PAICS: variants seen among roughly 807,000 people sequenced by gnomAD.
PAICS encodes the protein phosphoribosylaminoimidazole carboxylase and phosphoribosylaminoimidazolesuccinocarboxamide synthase, also known as bifunctional phosphoribosylaminoimidazole carboxylase/phosphoribosylaminoimidazole succinocarboxamide synthetase.
Under a neutral mutation model 53.7 loss-of-function variants are expected in PAICS, and 33 were observed. That is an observed-to-expected ratio of 0.61 (90% CI 0.47 to 0.82). The LOEUF is 0.82. Among genes scored for constraint, PAICS ranks in the 40% least tolerant of loss-of-function variants. The pLI, the probability that PAICS is intolerant of heterozygous loss-of-function variation, is 0.00. For missense variants in PAICS, 394 were observed against 494.1 expected, an observed-to-expected ratio of 0.80 and a Z score of 1.92; for synonymous variants, 141 against 167.2, an observed-to-expected ratio of 0.84 and a Z score of 1.21.
chr4:56,457,675 T>TG (rs1488638445), intron 8 of PAICS, among the ~76,000 whole-genome samples: 21 of 151,428 alleles, frequency 1.4e-4, no homozygotes, highest in Middle Eastern at 3.4e-3. Context: ...TTTTTTTTTT[T>TG]TTTTTTTTAA....
At chr4:56,411,953 C>A in the PAICS span, among the ~76,000 whole-genome samples, 65 of 152,254 alleles carry the variant, frequency 4.3e-4, no homozygotes, top group African/African-American at 1.4e-3. Context: ...TGAGATGACA[C>A]CAAATTCTGA....
At chr4:56,452,174 T>TA in intron 7 of PAICS, 122 bp downstream of exon 7, 1 of 642,124 alleles carries the variant, frequency 1.6e-6, no homozygotes, top group Non-Finnish European at 2.7e-6. Context: ...AAACACATGA[T>TA]ATACTAGGCT....
At chr4:56,456,979 GTGTATCTGGTAGGGAT>G (rs1374360698) in intron 8 of PAICS, among the ~76,000 whole-genome samples, 1 of 152,112 alleles carries the variant, frequency 6.6e-6, no homozygotes, top group Non-Finnish European at 1.5e-5. Context: ...TCACTGTGGG[GTGTATCTGGTAGGGAT>G]TGTTCTTCAA....
chr4:56,446,347 CCTATT>C lies in PAICS; in HGVS notation c.215-344_215-340del, dbSNP rs1023450480. 4.2e-6 allele frequency: 3 copies of C among 717,422 alleles called. No individual in the cohort carries two copies. The African/African-American group carries it at 5.2e-5, about 13-fold the overall frequency. The allele number at this position is 717,422 out of a possible 1,614,324, so 44.4% of individuals were successfully genotyped here. A position where few individuals can be genotyped will look rare whatever the true frequency, so the allele number is the denominator to read the frequency against. ...CCATTCTCTTTTCTGTCTGAATTTG[CCTATT>C]CTAGTTACCTCATATAAGTCAAATC... On this transcript the variant is annotated intron_variant, in intron 2 of 8. Coordinates refer to ENST00000512576, the MANE Select transcript of PAICS (RefSeq NM_001079524.2).
rs57611254 is a variant in PAICS at position 56,441,193 on chromosome 4, A to T, written c.17-470A>T. On this transcript the variant is annotated intron_variant, in intron 1 of 8. Coordinates refer to ENST00000512576, the MANE Select transcript of PAICS (RefSeq NM_001079524.2). ...TACAAAAAAGCAAATATCAGCAAAA[A>T]TCGCATATTTTTTCCTGCAAGATAG... Among the ~76,000 whole-genome samples, 350 of 152,310 alleles carry T rather than the reference A, an allele frequency of 2.3e-3. 3 individuals carry two copies. The highest frequency in any genetic ancestry group is 8.2e-3 in the African/African-American group (342 of 41,564).
intron 3 of PAICS, among the ~76,000 whole-genome samples, chr4:56,447,828 A>T (rs1297204274): frequency 6.6e-6 from 1 of 152,046 alleles, no homozygotes; most frequent in East Asian, 1.9e-4. Context: ...TAGGAAAAAA[A>T]AGAGGAGTAA....
At position 56,453,492 on chromosome 4, in the gene PAICS, A is replaced by G. The variant is rs1024663022; in HGVS notation, c.953-111A>G. 2.1e-5 allele frequency: 12 copies of G among 576,550 alleles called. No individual in the cohort carries two copies. In the African/African-American group the frequency reaches 2.2e-4, roughly 11 times the overall value. The allele number at this position is 576,550 out of a possible 1,614,324, so 35.7% of individuals were successfully genotyped here. On this transcript the variant is annotated intron_variant, in intron 7 of 8. Coordinates refer to ENST00000512576, the MANE Select transcript of PAICS (RefSeq NM_001079524.2). ...ATGTTTTTTCAGAGAAGACTATTCA[A>G]GGACCTCAAGTAATTAAAACATATA...
At chr4:56,410,925 A>G in the PAICS span, 29 of 889,690 alleles carry the variant, frequency 3.3e-5, 1 homozygote, top group Middle Eastern at 4.9e-4. Flanking sequence ...AAAAAAAAAA[A>G]AAAGAAAAGT....
chr4:56,412,028 C>T, the PAICS span, among the ~76,000 whole-genome samples: 2 of 152,126 alleles, frequency 1.3e-5, no homozygotes, highest in Non-Finnish European at 2.9e-5. Flanking sequence ...TAAACACCTT[C>T]GACTCTTCAT....
Position 56,453,750 on chromosome 4 carries a change from G to A in PAICS, c.1100G>A (p.Arg367Gln), listed in dbSNP as rs1190902246. 12 of 1,544,954 alleles carry A rather than the reference G, an allele frequency of 7.8e-6. No individual in the cohort carries two copies. The highest frequency in any genetic ancestry group is 1.1e-5 in the Non-Finnish European group (12 of 1,141,494). Residue 367 changes from arginine to glutamine, a missense_variant, in exon 8 of 9, where the codon CGA (arginine) becomes CAA (glutamine). Around this residue, in one of 3 missense-constraint regions of PAICS, gnomAD observed 95 missense variants for 89.3 expected, o/e 1.06. Transcript: ENST00000512576. ...WGVQDVWSSL[R>Q]LPSGLGCSTV... ...GTTCAGGATGTGTGGTCTTCTCTTC[G>A]ACTACCCAGTGGTAAGATACATTGA...
At chr4:56,414,956 A>T in the PAICS span, among the ~76,000 whole-genome samples, 1 of 152,248 alleles carries the variant, frequency 6.6e-6, no homozygotes, top group Non-Finnish European at 1.5e-5. Context: ...TTATAAAAAT[A>T]CAACTGTGCC....
intron 1 of PAICS, among the ~76,000 whole-genome samples, chr4:56,441,353 T>A (rs538151956): frequency 6.6e-6 from 1 of 152,180 alleles, no homozygotes; most frequent in African/African-American, 2.4e-5. Flanking sequence ...AGCACAGGAT[T>A]TGATGTCAGA....
the PAICS span, among the ~76,000 whole-genome samples, chr4:56,429,408 A>G: frequency 4.6e-5 from 7 of 152,240 alleles, no homozygotes; most frequent in Admixed American, 3.9e-4. Flanking sequence ...TAACATTTTA[A>G]TAAGTCTGAA....
Position 56,448,305 on chromosome 4 carries a change from G to C in PAICS, c.394-113G>C, listed in dbSNP as rs1026362095. The stretch of plus-strand genomic sequence containing the variant: ...CAGGCATGAGCCACCATGCCCGGCT[G>C]TGGCTAAAAATTTCTAAGGAGTTCA... On this transcript the variant is annotated intron_variant, in intron 3 of 8. Coordinates refer to ENST00000512576, the MANE Select transcript of PAICS (RefSeq NM_001079524.2). The C allele has an allele frequency of 1.6e-5, 11 of 691,750 alleles. No homozygotes were observed. In the East Asian group the frequency reaches 3.1e-4, roughly 20 times the overall value. The allele number at this position is 691,750 out of a possible 1,614,324, so 42.9% of individuals were successfully genotyped here.
chr4:56,460,307 C>G lies in PAICS; in HGVS notation c.*769C>G, dbSNP rs1311626432. 6.6e-6 allele frequency: 1 copy of G among 152,200 alleles called. No homozygotes were observed. Among genetic ancestry groups the G allele is most frequent in the Admixed American group, 6.5e-5 (1 of 15,274 alleles). The allele number at this position is 152,200 out of a possible 1,614,324, so 9.4% of individuals were successfully genotyped here. On this transcript the variant is annotated 3_prime_UTR_variant, in exon 9 of 9. Coordinates refer to ENST00000512576, the MANE Select transcript of PAICS (RefSeq NM_001079524.2). ...GTAGCTCTTGGTATACTCACTGTTGCAAGTCAGAAGCTTGATTTCATCATT... is the reference window on the plus strand; with the variant it reads ...GTAGCTCTTGGTATACTCACTGTTGGAAGTCAGAAGCTTGATTTCATCATT...
chr4:56,425,417 C>T, the PAICS span: 9 of 940,286 alleles, frequency 9.6e-6, no homozygotes, highest in Non-Finnish European at 1.1e-5. Flanking sequence ...TTCAGAAAAC[C>T]GAAGACTTAC....
chr4:56,419,770 G>T, the PAICS span: 12 of 984,882 alleles, frequency 1.2e-5, no homozygotes, highest in Non-Finnish European at 1.4e-5. Context: ...GGAACAGTGA[G>T]AAATAAGAGG....
At chr4:56,446,605 C>G in intron 2 of PAICS, 90 bp from the exon 3 acceptor site, 1 of 748,860 alleles carries the variant, frequency 1.3e-6, no homozygotes, top group Non-Finnish European at 2.2e-6. Flanking sequence ...TTCTTTGTTG[C>G]TTGTAAAGGG....
At chr4:56,437,515 C>A (rs959879619) in intron 1 of PAICS, among the ~76,000 whole-genome samples, 17 of 151,990 alleles carry the variant, frequency 1.1e-4, no homozygotes, top group African/African-American at 4.1e-4. Context: ...TAACTGAATT[C>A]AGATTTTAAA....
Sources: gnomAD v4.1 joint callset for allele counts (sites outside exome capture counted in the v4.1 genomes callset) on GRCh38, gnomAD v4.1.1 for gene constraint, gnomAD v4.1.1 regional missense constraint, MANE v1.5 for transcripts, NCBI Gene and HGNC (gene_info 2026-07-23, HGNC 2026-07-21) for gene names.